CIB4: variants seen among roughly 807,000 people sequenced by gnomAD.
CIB4 encodes the protein calcium and integrin-binding family member 4.
A neutral mutation model predicts 25.8 loss-of-function variants in CIB4; 25 were observed. The observed-to-expected ratio is 0.97, with a 90% CI of 0.71 to 1.35. The LOEUF is 1.35. Ranked by LOEUF, CIB4 falls within the 40% of genes most tolerant of loss-of-function variation. The pLI, the probability that CIB4 is intolerant of heterozygous loss-of-function variation, is 0.00. For synonymous variants in CIB4, 75 were observed against 81.4 expected (o/e 0.92, Z 0.42); for missense variants, 235 against 228.2 (o/e 1.03, Z -0.19).
chr2:26,588,116 G>A (rs1668491125), intron 4 of CIB4, among the ~76,000 whole-genome samples: 1 of 152,228 alleles, frequency 6.6e-6, no homozygotes, highest in Admixed American at 6.5e-5. Flanking sequence ...GGGGGCGAAG[G>A]GACCAGCCCC....
chr2:26,631,811 G>A (rs995741533), intron 2 of CIB4, among the ~76,000 whole-genome samples: 1 of 151,926 alleles, frequency 6.6e-6, no homozygotes, highest in Non-Finnish European at 1.5e-5. Context: ...GATGGGTGGG[G>A]ATTTATCCTC....
chr2:26,605,269 A>AT (rs59023623), intron 3 of CIB4, among the ~76,000 whole-genome samples: 15 of 152,120 alleles, frequency 9.9e-5, no homozygotes, highest in Non-Finnish European at 1.8e-4. Context: ...AAATGCTTGA[A>AT]TTTTTTAAAA....
At chr2:26,625,687 C>T (rs1475403265) in intron 3 of CIB4, among the ~76,000 whole-genome samples, 1 of 152,238 alleles carries the variant, frequency 6.6e-6, no homozygotes, top group Non-Finnish European at 1.5e-5. Context: ...CTGCTTCCCA[C>T]CCGGACTTGC....
intron 4 of CIB4, among the ~76,000 whole-genome samples, chr2:26,588,997 T>C (rs927228739): frequency 3.0e-4 from 3 of 9,956 alleles, no homozygotes; most frequent in South Asian, 7.9e-3. Context: ...CTTCTTCTTC[T>C]TCTTCTTCTT....
chr2:26,606,048 G>A (rs1053043571), intron 3 of CIB4, among the ~76,000 whole-genome samples: 3 of 152,178 alleles, frequency 2.0e-5, no homozygotes, highest in Admixed American at 6.5e-5. Context: ...GGGGAGGCGC[G>A]GGGGAGGGCG....
chr2:26,597,459 CT>C (rs1434044011), intron 3 of CIB4, among the ~76,000 whole-genome samples: 1 of 151,584 alleles, frequency 6.6e-6, no homozygotes, highest in Non-Finnish European at 1.5e-5. Flanking sequence ...AGAACCACAC[CT>C]CTGAATGGCT....
At chr2:26,583,726 T>G (rs1668395680) in intron 5 of CIB4, 63 bp downstream of exon 5, 1 of 1,107,730 alleles carries the variant, frequency 9.0e-7, no homozygotes, top group East Asian at 2.4e-5. Flanking sequence ...TCCGGGGGCT[T>G]TGGGTGACAA....
chr2:26,624,453 G>C (rs1669261892), intron 3 of CIB4, among the ~76,000 whole-genome samples: 1 of 152,170 alleles, frequency 6.6e-6, no homozygotes, highest in African/African-American at 2.4e-5. Context: ...AAGCTGGTCT[G>C]AGCACTAGGG....
chr2:26,621,383 TC>T (rs1669202758), intron 3 of CIB4, among the ~76,000 whole-genome samples: 1 of 151,670 alleles, frequency 6.6e-6, no homozygotes, highest in Non-Finnish European at 1.5e-5. Context: ...AAAAATGATA[TC>T]CAACCTACAA....
chr2:26,612,842 T>C (rs1396593903), intron 3 of CIB4, among the ~76,000 whole-genome samples: 1 of 152,132 alleles, frequency 6.6e-6, no homozygotes, highest in Non-Finnish European at 1.5e-5. Flanking sequence ...AGGTTCTGCA[T>C]CAACAGGGGC....
At chr2:26,608,084 A>C (rs946144949) in intron 3 of CIB4, among the ~76,000 whole-genome samples, 2 of 152,198 alleles carry the variant, frequency 1.3e-5, no homozygotes, top group African/African-American at 4.8e-5. Context: ...CTAAAAATAC[A>C]AAACTTAGCT....
chr2:26,604,541 A>C (rs571638087), intron 3 of CIB4, among the ~76,000 whole-genome samples: 1 of 152,176 alleles, frequency 6.6e-6, no homozygotes, highest in East Asian at 1.9e-4. Context: ...GAAAGAAAAA[A>C]GTCTCTTATT....
intron 3 of CIB4, among the ~76,000 whole-genome samples, chr2:26,619,699 A>G (rs1269841685): frequency 6.6e-6 from 1 of 152,186 alleles, no homozygotes; most frequent in Non-Finnish European, 1.5e-5. Flanking sequence ...AGATTTGAGG[A>G]AGCAGGACCC....
At position 26,623,211 on chromosome 2, in the gene CIB4, T is replaced by C. The variant is rs188125087; in HGVS notation, c.186+6199A>G. Among the ~76,000 whole-genome samples the C allele has an allele frequency of 1.6e-3, 241 of 151,758 alleles. 1 individual carries two copies. The highest frequency in any genetic ancestry group is 5.5e-3 in the African/African-American group (229 of 41,408). Reference sequence around the variant, plus strand: ...CACAAAAATTAGCTGGGTGTGGTGGTACATGCCTGTGGTTCCAGCTACTCG... The same window carrying C: ...CACAAAAATTAGCTGGGTGTGGTGGCACATGCCTGTGGTTCCAGCTACTCG... On this transcript the variant is annotated intron_variant, in intron 3 of 6. Transcript: ENST00000288861.
intron 4 of CIB4, among the ~76,000 whole-genome samples, chr2:26,592,395 G>A (rs964112907): frequency 6.6e-6 from 1 of 152,230 alleles, no homozygotes; most frequent in Non-Finnish European, 1.5e-5. Flanking sequence ...AAGGGGGAAC[G>A]CTGGTGTGGA....
At chr2:26,597,052 CT>C (rs1668695206) in intron 3 of CIB4, among the ~76,000 whole-genome samples, 1 of 152,104 alleles carries the variant, frequency 6.6e-6, no homozygotes, top group Non-Finnish European at 1.5e-5. Flanking sequence ...AGCGTTATTG[CT>C]TTTCTAAAGA....
At chr2:26,587,686 C>T (rs1486143404) in intron 4 of CIB4, among the ~76,000 whole-genome samples, 1 of 152,150 alleles carries the variant, frequency 6.6e-6, no homozygotes, top group Non-Finnish European at 1.5e-5. Flanking sequence ...TAGTTATCAT[C>T]ACTACTTAGT....
intron 3 of CIB4, chr2:26,605,699 A>G (rs2148206267): frequency 3.3e-6 from 1 of 301,092 alleles, no homozygotes; most frequent in Non-Finnish European, 6.9e-6. Context: ...TACTGTGTGC[A>G]GGCTGTGACG....
At chr2:26,631,173 G>C (rs572060804) in intron 2 of CIB4, among the ~76,000 whole-genome samples, 1 of 152,250 alleles carries the variant, frequency 6.6e-6, no homozygotes, top group Non-Finnish European at 1.5e-5. Flanking sequence ...GTGGAATTTA[G>C]GGACATGTAA....
Sources: allele counts gnomAD v4.1 joint callset (sites outside exome capture counted in the v4.1 genomes callset), GRCh38; gene constraint gnomAD v4.1.1; transcripts MANE v1.5; gene names NCBI Gene and HGNC (gene_info 2026-07-23, HGNC 2026-07-21).